The following MTFR1 variants were observed in gnomAD, a reference collection of about 807,000 sequenced individuals.
MTFR1 encodes chondrocyte protein with a poly-proline region.
MTFR1 carries 28 observed loss-of-function variants against 38.8 expected under a neutral mutation model. That is an observed-to-expected ratio of 0.72 (90% CI 0.53 to 0.99). MTFR1 has a LOEUF of 0.99. Ranked by LOEUF, MTFR1 falls within the 50% of genes least tolerant of loss-of-function variation. MTFR1 has a pLI of 0.00. For missense variants in MTFR1, 358 were observed against 395.5 expected (o/e 0.91, Z 0.81); for synonymous variants, 145 against 137.0 (o/e 1.06, Z -0.41).
intron 5 of MTFR1, 130 bp downstream of exon 5, chr8:65,705,059 C>A: frequency 1.3e-6 from 1 of 785,736 alleles, no homozygotes; most frequent in Non-Finnish European, 2.0e-6. Context: ...GGTACGGTGG[C>A]GCATGCCTGT....
downstream of MTFR1, among the ~76,000 whole-genome samples, chr8:65,775,128 A>G (rs1350532129): frequency 6.6e-6 from 1 of 152,138 alleles, no homozygotes; most frequent in Non-Finnish European, 1.5e-5. Flanking sequence ...TTTTCTCTTT[A>G]TCTGTGGTGT....
chr8:65,733,768 T>C (rs1476101898), intron 3 of MTFR1, among the ~76,000 whole-genome samples: 2 of 152,196 alleles, frequency 1.3e-5, no homozygotes, highest in African/African-American at 4.8e-5. Flanking sequence ...AAAACGGGCA[T>C]TTTCACATAT....
downstream of MTFR1, among the ~76,000 whole-genome samples, chr8:65,711,376 G>GA (rs960430863): frequency 2.7e-5 from 4 of 149,590 alleles, no homozygotes; most frequent in African/African-American, 4.9e-5. Flanking sequence ...CAAATACTTT[G>GA]AAAAAACCAT....
chr8:65,735,150 C>T (rs1176153313), intron 3 of MTFR1, among the ~76,000 whole-genome samples: 1 of 152,166 alleles, frequency 6.6e-6, no homozygotes, highest in Non-Finnish European at 1.5e-5. Flanking sequence ...CATCAACCTA[C>T]TTGACAGCCC....
At chr8:65,670,575 A>AT (rs1315553928) in intron 2 of MTFR1, among the ~76,000 whole-genome samples, 1 of 152,154 alleles carries the variant, frequency 6.6e-6, no homozygotes, top group Non-Finnish European at 1.5e-5. Context: ...TAGAGCAAGT[A>AT]TTGTGCCAAG....
chr8:65,711,880 A>T (rs1451124665), downstream of MTFR1, among the ~76,000 whole-genome samples: 1 of 152,178 alleles, frequency 6.6e-6, no homozygotes, highest in Non-Finnish European at 1.5e-5. Context: ...GGCTCCTTCG[A>T]TAAGGGCAGA....
intron 1 of MTFR1, among the ~76,000 whole-genome samples, chr8:65,646,542 A>G (rs912256607): frequency 6.6e-6 from 1 of 152,212 alleles, no homozygotes; most frequent in African/African-American, 2.4e-5. Flanking sequence ...ACTAAATTTG[A>G]TGTCCTGAGA....
At position 65,670,057 on chromosome 8, in the gene MTFR1, A is replaced by G. The variant is rs1804526887; in HGVS notation, c.66+39A>G. ...ATTCATTTTTTAAATCCCGACATTT[A>G]GATATTTTAAGAATTTTTTCTGAGA... On this transcript the variant is annotated intron_variant, in intron 2 of 7. Transcript: ENST00000262146. 3.3e-6 allele frequency: 5 copies of G among 1,520,414 alleles called. No individual in the cohort carries two copies. In the East Asian group the frequency reaches 1.1e-4, roughly 35 times the overall value. 94.2% of individuals were successfully genotyped at this position (1,520,414 alleles called of 1,614,324 possible).
At chr8:65,662,994 G>C (rs1440032203) in intron 1 of MTFR1, among the ~76,000 whole-genome samples, 2 of 151,942 alleles carry the variant, frequency 1.3e-5, no homozygotes, top group Non-Finnish European at 2.9e-5. Context: ...GAAGGGAGGA[G>C]CCCCTCTGCC....
chr8:65,664,091 C>T (rs1435513805), intron 1 of MTFR1, among the ~76,000 whole-genome samples: 1 of 152,152 alleles, frequency 6.6e-6, no homozygotes, highest in Non-Finnish European at 1.5e-5. Flanking sequence ...GTCAGGATTA[C>T]AGGCGTGAGC....
chr8:65,659,504 C>T (rs1237744319), intron 1 of MTFR1, among the ~76,000 whole-genome samples: 2 of 151,274 alleles, frequency 1.3e-5, no homozygotes, highest in African/African-American at 4.9e-5. Context: ...GGTCGGACCA[C>T]GCAATCTGAG....
At chr8:65,656,140 G>A (rs1809263735) in intron 1 of MTFR1, among the ~76,000 whole-genome samples, 1 of 149,974 alleles carries the variant, frequency 6.7e-6, no homozygotes, top group Non-Finnish European at 1.5e-5. Flanking sequence ...AGGTTGCAGT[G>A]AGCCGAGATC....
intron 1 of MTFR1, among the ~76,000 whole-genome samples, chr8:65,656,467 A>G (rs1809273246): frequency 6.6e-6 from 1 of 150,550 alleles, no homozygotes; most frequent in Non-Finnish European, 1.5e-5. Context: ...CTGAGTCAGT[A>G]GGACTACAGG....
At chr8:65,677,527 C>T (rs576507381) in intron 2 of MTFR1, among the ~76,000 whole-genome samples, 11 of 151,066 alleles carry the variant, frequency 7.3e-5, no homozygotes, top group African/African-American at 2.7e-4. Flanking sequence ...GGATTACAGG[C>T]GTGCACCACC....
chr8:65,751,172 A>G (rs938035867), intron 3 of MTFR1, among the ~76,000 whole-genome samples: 1 of 152,250 alleles, frequency 6.6e-6, no homozygotes, highest in Non-Finnish European at 1.5e-5. Context: ...TAACAAGATT[A>G]TATTCTGGTA....
chr8:65,713,148 A>G (rs2129061173), downstream of MTFR1, among the ~76,000 whole-genome samples: 1 of 152,348 alleles, frequency 6.6e-6, no homozygotes, highest in South Asian at 2.1e-4. Flanking sequence ...TCTAATATTA[A>G]AAACAGGAGT....
chr8:65,713,402 C>T (rs1335530807), downstream of MTFR1, among the ~76,000 whole-genome samples: 2 of 150,432 alleles, frequency 1.3e-5, no homozygotes, highest in African/African-American at 4.9e-5. Flanking sequence ...GATCACACCG[C>T]TCCACTCTAG....
chr8:65,647,663 T>G (rs926040047), intron 1 of MTFR1, among the ~76,000 whole-genome samples: 5 of 152,214 alleles, frequency 3.3e-5, no homozygotes, highest in African/African-American at 1.2e-4. Flanking sequence ...TTTGTTTTCT[T>G]GGGCCATCCT....
chr8:65,723,062 G>A (rs970309346), intron 3 of MTFR1: 1 of 152,492 alleles, frequency 6.6e-6, no homozygotes, highest in African/African-American at 2.4e-5. Context: ...AAGATTATAA[G>A]GGCCTGTCTA....
Sources: allele counts gnomAD v4.1 joint callset (sites outside exome capture counted in the v4.1 genomes callset), GRCh38; gene constraint gnomAD v4.1.1; transcripts MANE v1.5; gene names NCBI Gene and HGNC (gene_info 2026-07-23, HGNC 2026-07-21).